Variants in ULK4 observed in about 807,000 individuals in gnomAD.
The protein encoded by ULK4 is unc-51 like kinase 4.
In ULK4, 133 loss-of-function variants were observed where a neutral mutation model predicts 160.6. That is an observed-to-expected ratio of 0.83 (90% CI 0.72 to 0.96). The LOEUF (loss-of-function observed/expected upper bound fraction) is 0.96, where lower values mean the gene tolerates loss of function less well. Among genes scored for constraint, ULK4 ranks in the 40% least tolerant of loss-of-function variants. ULK4 has a pLI of 0.00. For synonymous variants in ULK4, 534 were observed against 539.8 expected (o/e 0.99, Z 0.15); for missense variants, 1,580 against 1,499.5 (o/e 1.05, Z -0.89).
chr3:41,702,045 A>C (rs1176113237), intron 27 of ULK4, among the ~76,000 whole-genome samples: 1 of 152,236 alleles, frequency 6.6e-6, no homozygotes, highest in Non-Finnish European at 1.5e-5. Context: ...AGTAGAATGA[A>C]ATCCAAACAG....
intron 29 of ULK4, among the ~76,000 whole-genome samples, chr3:41,674,672 A>G (rs1412889883): frequency 1.3e-5 from 2 of 152,232 alleles, no homozygotes; most frequent in African/African-American, 4.8e-5. Context: ...TACCATGGCC[A>G]GTATCACCAA....
chr3:41,599,793 G>A lies in ULK4; in HGVS notation c.3120+15876C>T, dbSNP rs965875162. ...CTGGCCAGGCTGGTCTCGAACTCCC[G>A]GCCTCAAGTTATCTGCCTGCCTTGG... On this transcript the variant is annotated intron_variant, in intron 31 of 36. Coordinates refer to ENST00000301831, the MANE Select transcript of ULK4 (RefSeq NM_017886.4). Among the ~76,000 whole-genome samples, 14 of 151,952 alleles carry A rather than the reference G, an allele frequency of 9.2e-5. 1 individual carries two copies. Among genetic ancestry groups the A allele is most frequent in the Admixed American group, 2.0e-4 (3 of 15,272 alleles).
intron 35 of ULK4, among the ~76,000 whole-genome samples, chr3:41,313,521 T>C (rs2080089965): frequency 6.6e-6 from 1 of 152,352 alleles, no homozygotes; most frequent in East Asian, 1.9e-4. Flanking sequence ...TTCATTAATT[T>C]CTGCTCTTAC....
intron 35 of ULK4, among the ~76,000 whole-genome samples, chr3:41,330,688 A>C (rs2080424177): frequency 6.6e-6 from 1 of 152,208 alleles, no homozygotes; most frequent in African/African-American, 2.4e-5. Context: ...GTGGTTTGAA[A>C]GACCTTTTAT....
At chr3:41,826,590 A>G (rs1435172180) in intron 18 of ULK4, among the ~76,000 whole-genome samples, 1 of 146,436 alleles carries the variant, frequency 6.8e-6, no homozygotes, top group Non-Finnish European at 1.5e-5. Flanking sequence ...AAAGGGATCA[A>G]TTCAACAAGA....
At chr3:41,546,620 G>A (rs2086870863) in intron 32 of ULK4, among the ~76,000 whole-genome samples, 1 of 151,890 alleles carries the variant, frequency 6.6e-6, no homozygotes, top group Non-Finnish European at 1.5e-5. Context: ...AGGTTTCTGG[G>A]CCCTATTCCT....
chr3:41,543,598 CTGTTA>C (rs2086764068), intron 32 of ULK4, among the ~76,000 whole-genome samples: 1 of 152,094 alleles, frequency 6.6e-6, no homozygotes, highest in African/African-American at 2.4e-5. Flanking sequence ...AATCCAATCT[CTGTTA>C]TAAGTCTCTT....
chr3:41,489,803 T>G (rs1410677334), intron 32 of ULK4, among the ~76,000 whole-genome samples: 1 of 152,220 alleles, frequency 6.6e-6, no homozygotes, highest in African/African-American at 2.4e-5. Context: ...TCTTGGCTAG[T>G]AAAAGTCTAG....
intron 17 of ULK4, among the ~76,000 whole-genome samples, chr3:41,866,111 A>C (rs75268733): frequency 0.047 from 7,211 of 152,286 alleles, 335 homozygotes; most frequent in African/African-American, 0.12. Context: ...GTCAAAACTC[A>C]GTAACAAAAC....
At chr3:41,898,273 A>G (rs1318514834) in intron 14 of ULK4, among the ~76,000 whole-genome samples, 159 bp downstream of exon 14, 1 of 152,254 alleles carries the variant, frequency 6.6e-6, no homozygotes, top group Non-Finnish European at 1.5e-5. Context: ...AATGAATTAC[A>G]GATTGTTTAC....
At chr3:41,782,346 C>G (rs9847525) in intron 21 of ULK4, among the ~76,000 whole-genome samples, 1,900 of 152,208 alleles carry the variant, frequency 0.012, 53 homozygotes, top group African/African-American at 0.043. Context: ...ACCAGACACT[C>G]TGATGTCAGA....
chr3:41,595,913 A>C (rs2031656717), intron 31 of ULK4, among the ~76,000 whole-genome samples: 1 of 152,244 alleles, frequency 6.6e-6, no homozygotes, highest in African/African-American at 2.4e-5. Context: ...AGAGAAATGA[A>C]GGAATAGCTG....
At chr3:41,589,812 G>C (rs1025905908) in intron 31 of ULK4, among the ~76,000 whole-genome samples, 1 of 151,894 alleles carries the variant, frequency 6.6e-6, no homozygotes, top group Non-Finnish European at 1.5e-5. Flanking sequence ...CTACACAAAA[G>C]AAGAAATGCA....
intron 34 of ULK4, among the ~76,000 whole-genome samples, chr3:41,406,583 C>T (rs1333659693): frequency 6.6e-6 from 1 of 152,090 alleles, no homozygotes; most frequent in African/African-American, 2.4e-5. Flanking sequence ...TGCATTTAGA[C>T]CATTTACATT....
chr3:41,373,250 T>A (rs1394154786), intron 35 of ULK4, among the ~76,000 whole-genome samples: 1 of 152,048 alleles, frequency 6.6e-6, no homozygotes, highest in African/African-American at 2.4e-5. Flanking sequence ...TTAATAAGAA[T>A]ATTCAGTACT....
chr3:41,588,003 C>G (rs2030960663), intron 31 of ULK4, among the ~76,000 whole-genome samples: 1 of 152,090 alleles, frequency 6.6e-6, no homozygotes, highest in Non-Finnish European at 1.5e-5. Flanking sequence ...GTCAGGAGCA[C>G]TAATTATACA....
intron 2 of ULK4, among the ~76,000 whole-genome samples, chr3:41,947,450 T>C (rs992789077): frequency 2.0e-5 from 3 of 152,068 alleles, no homozygotes; most frequent in Non-Finnish European, 4.4e-5. Context: ...AAAAAGGCCA[T>C]GAAGTCAAAC....
chr3:41,842,918 A>G (rs1279034800), intron 17 of ULK4, among the ~76,000 whole-genome samples: 2 of 152,192 alleles, frequency 1.3e-5, no homozygotes, highest in Non-Finnish European at 1.5e-5. Flanking sequence ...AGGCAGTCCA[A>G]TGGAGAAAAG....
At chr3:41,680,990 A>G (rs1461768498) in intron 29 of ULK4, among the ~76,000 whole-genome samples, 2 of 152,152 alleles carry the variant, frequency 1.3e-5, no homozygotes, top group African/African-American at 4.8e-5. Context: ...TTGCTTTATG[A>G]GCAATGAAGT....
Sources: allele counts gnomAD v4.1 joint callset (sites outside exome capture counted in the v4.1 genomes callset), GRCh38; gene constraint gnomAD v4.1.1; transcripts MANE v1.5; gene names NCBI Gene and HGNC (gene_info 2026-07-23, HGNC 2026-07-21).